Variants in EYS observed in about 807,000 individuals in gnomAD.
The protein encoded by EYS is EGF-like photoreceptor maintenance factor.
A neutral mutation model predicts 282.1 loss-of-function variants in EYS; 250 were observed. That is an observed-to-expected ratio of 0.89 (90% CI 0.80 to 0.98). The LOEUF (loss-of-function observed/expected upper bound fraction) is 0.98. Ranked by LOEUF, EYS falls within the 50% of genes least tolerant of loss-of-function variation. EYS has a pLI of 0.00. For synonymous variants in EYS, 1,355 were observed against 1,282.9 expected (o/e 1.06, Z -1.20); for missense variants, 4,016 against 3,709.0 (o/e 1.08, Z -2.15).
At chr6:63,837,261 G>C (rs1244504530) in intron 36 of EYS, among the ~76,000 whole-genome samples, 2 of 152,000 alleles carry the variant, frequency 1.3e-5, no homozygotes, top group Non-Finnish European at 2.9e-5. Flanking sequence ...GAGCACCCTG[G>C]TTAAAATTAA....
intron 26 of EYS, among the ~76,000 whole-genome samples, chr6:64,567,228 G>A (rs1418438595): frequency 6.6e-6 from 1 of 152,016 alleles, no homozygotes; most frequent in Non-Finnish European, 1.5e-5. Context: ...AATACGGAGT[G>A]AGAGTATACA....
intron 14 of EYS, among the ~76,000 whole-genome samples, chr6:64,954,743 T>C (rs997378170): frequency 5.9e-5 from 9 of 152,106 alleles, no homozygotes; most frequent in African/African-American, 1.9e-4. Context: ...CGTCAATTTT[T>C]CCCCCACCCC....
rs1182369941 is a variant in EYS at position 64,821,658 on chromosome 6, T to G, written c.3230A>C (p.Lys1077Thr). Residue 1077 changes from lysine to threonine, a missense_variant, in exon 21 of 43, where the codon AAG (lysine) becomes ACG (threonine). Lys to Thr is a moderately conservative substitution (Grantham distance 78). Coordinates refer to ENST00000503581, the MANE Select transcript of EYS (RefSeq NM_001142800.2). ...CDADGTSTQC[K>T]IKINDCTSIP... ...TATAAGACTTACATTAATTTTGATCTTACATTGTGTGCTAGTCCCATCTGC... is the reference window on the plus strand; with the variant it reads ...TATAAGACTTACATTAATTTTGATCGTACATTGTGTGCTAGTCCCATCTGC... 2 of 1,489,922 alleles carry G rather than the reference T, an allele frequency of 1.3e-6. No individual in the cohort carries two copies. The highest frequency in any genetic ancestry group is 2.2e-4 in the Middle Eastern group (1 of 4,548). 92.3% of individuals were successfully genotyped at this position (1,489,922 alleles called of 1,614,324 possible).
chr6:64,511,873 T>C (rs1016987305), intron 26 of EYS, among the ~76,000 whole-genome samples: 2 of 152,008 alleles, frequency 1.3e-5, no homozygotes, highest in African/African-American at 4.8e-5. Flanking sequence ...GAAAATCAGA[T>C]GCTAGCTTCC....
intron 33 of EYS, among the ~76,000 whole-genome samples, chr6:64,055,319 C>T (rs898448557): frequency 1.3e-5 from 2 of 151,946 alleles, no homozygotes; most frequent in African/African-American, 2.4e-5. Context: ...GTGTGAAAAA[C>T]CATAACAATA....
chr6:65,205,318 T>C (rs1215858719), intron 12 of EYS, among the ~76,000 whole-genome samples: 1 of 151,586 alleles, frequency 6.6e-6, no homozygotes, highest in African/African-American at 2.4e-5. Flanking sequence ...AATGGCATTA[T>C]ATAATGATAA....
At chr6:65,407,439 A>G (rs1162649298) in intron 5 of EYS, among the ~76,000 whole-genome samples, 3 of 151,892 alleles carry the variant, frequency 2.0e-5, no homozygotes, top group Non-Finnish European at 4.4e-5. Flanking sequence ...TATTTTTAGT[A>G]GAGATGGGGT....
At chr6:65,042,789 C>G (rs970621675) in intron 13 of EYS, among the ~76,000 whole-genome samples, 2 of 151,202 alleles carry the variant, frequency 1.3e-5, no homozygotes, top group African/African-American at 4.8e-5. Flanking sequence ...TAAGTTTCCA[C>G]TTGGTGCTAT....
intron 19 of EYS, among the ~76,000 whole-genome samples, chr6:64,853,399 CT>C (rs1765948627): frequency 1.3e-5 from 2 of 152,064 alleles, no homozygotes; most frequent in African/African-American, 2.4e-5. Flanking sequence ...CCAGGGCTTT[CT>C]TTTTCCATGC....
intron 14 of EYS, among the ~76,000 whole-genome samples, chr6:64,958,499 G>C (rs1225078014): frequency 6.6e-6 from 1 of 152,046 alleles, no homozygotes; most frequent in African/African-American, 2.4e-5. Flanking sequence ...TGTAATCCCA[G>C]CACTTTGGGA....
chr6:64,339,407 C>T (rs912310195), intron 29 of EYS, among the ~76,000 whole-genome samples: 6 of 151,830 alleles, frequency 4.0e-5, no homozygotes, highest in Non-Finnish European at 8.8e-5. Flanking sequence ...CAGGGTAATG[C>T]AAATTAAAAC....
chr6:65,117,414 A>G (rs535443824), intron 12 of EYS, among the ~76,000 whole-genome samples: 14 of 152,326 alleles, frequency 9.2e-5, no homozygotes, highest in African/African-American at 2.9e-4. Flanking sequence ...AGGCATTGAA[A>G]GACATTGTGA....
intron 28 of EYS, among the ~76,000 whole-genome samples, chr6:64,407,475 AAT>A (rs1415836751): frequency 1.3e-5 from 2 of 152,160 alleles, no homozygotes; most frequent in African/African-American, 4.8e-5. Flanking sequence ...AGGGTTCATC[AAT>A]TAATATGGAA....
intron 29 of EYS, among the ~76,000 whole-genome samples, chr6:64,312,277 C>T (rs1358757163): frequency 6.6e-6 from 1 of 152,084 alleles, no homozygotes; most frequent in African/African-American, 2.4e-5. Context: ...GTTGGAACTG[C>T]GTGGAGCCCA....
intron 5 of EYS, among the ~76,000 whole-genome samples, chr6:65,429,877 TG>T (rs1249026339): frequency 6.6e-6 from 1 of 152,178 alleles, no homozygotes; most frequent in East Asian, 1.9e-4. Context: ...TAATAGTCAA[TG>T]TTTTATAATA....
chr6:64,722,704 G>A (rs919036754), intron 22 of EYS, among the ~76,000 whole-genome samples: 2 of 151,980 alleles, frequency 1.3e-5, no homozygotes, highest in Admixed American at 1.3e-4. Context: ...AATAATCCTA[G>A]AAAACAAGGT....
intron 12 of EYS, among the ~76,000 whole-genome samples, chr6:65,256,315 T>A (rs1767462650): frequency 6.9e-6 from 1 of 145,794 alleles, no homozygotes; most frequent in Non-Finnish European, 1.5e-5. Flanking sequence ...CATGTGCACA[T>A]TGTGCAGGTT....
intron 11 of EYS, among the ~76,000 whole-genome samples, chr6:65,326,092 TATC>T (rs1035552561): frequency 1.4e-3 from 213 of 152,214 alleles, no homozygotes; most frequent in African/African-American, 4.8e-3. Flanking sequence ...ACCTATAAAA[TATC>T]ATTTTGTCTA....
At chr6:64,558,558 A>T (rs941193885) in intron 26 of EYS, among the ~76,000 whole-genome samples, 2 of 152,140 alleles carry the variant, frequency 1.3e-5, no homozygotes, top group African/African-American at 4.8e-5. Flanking sequence ...AACAAAAAAA[A>T]CACAAACTAA....
Sources: gnomAD v4.1 joint callset for allele counts (sites outside exome capture counted in the v4.1 genomes callset) on GRCh38, gnomAD v4.1.1 for gene constraint, MANE v1.5 for transcripts, NCBI Gene and HGNC (gene_info 2026-07-23, HGNC 2026-07-21) for gene names.